Variants in PUM1 observed in about 807,000 individuals in gnomAD.
PUM1 encodes pumilio homolog 1.
A neutral mutation model predicts 131.8 loss-of-function variants in PUM1; 13 were observed. That is an observed-to-expected ratio of 0.10 (90% CI 0.06 to 0.16). PUM1 has a LOEUF of 0.16. Among genes scored for constraint, PUM1 ranks in the 10% least tolerant of loss-of-function variants. PUM1 has a pLI of 1.00. For synonymous variants in PUM1, 509 were observed against 556.5 expected (o/e 0.91, Z 1.20); for missense variants, 961 against 1,512.4 (o/e 0.64, Z 6.05).
rs756418523 is a variant in PUM1 at position 30,974,770 on chromosome 1, C to T, written c.1387G>A (p.Val463Ile). 3 of 1,612,692 alleles carry T rather than the reference C, an allele frequency of 1.9e-6. No individual in the cohort carries two copies. The highest frequency in any genetic ancestry group is 2.2e-5 in the East Asian group (1 of 44,834). The change falls in exon 10 of 22, where the codon GTT becomes ATT. Residue 463 changes from valine to isoleucine, a missense_variant. Val to Ile is a conservative substitution (Grantham distance 29, BLOSUM62 3). Coordinates refer to ENST00000426105, the MANE Select transcript of PUM1 (RefSeq NM_001020658.2). ...PAVVPHQYYG[V>I]TPWGVYPASL... The stretch of plus-strand genomic sequence containing the variant: ...GCAGGGTAGACTCCCCAGGGAGTAA[C>T]TCCATAATACTGGTGAGGGACCACA...
chr1:30,982,213 A>G (rs1348921886), intron 7 of PUM1: 1 of 152,250 alleles, frequency 6.6e-6, no homozygotes, highest in East Asian at 1.9e-4. Flanking sequence ...CAACACTAAG[A>G]ATGTCTTACG....
At chr1:30,962,891 G>T (rs923788517) in intron 14 of PUM1, among the ~76,000 whole-genome samples, 1 of 151,972 alleles carries the variant, frequency 6.6e-6, no homozygotes, top group East Asian at 1.9e-4. Flanking sequence ...AACTTAGCAG[G>T]TTCAGTTTAT....
intron 2 of PUM1, among the ~76,000 whole-genome samples, chr1:31,043,714 C>T (rs1216715083): frequency 6.6e-6 from 1 of 152,142 alleles, no homozygotes; most frequent in East Asian, 1.9e-4. Context: ...TTAAGCACTC[C>T]TCTTCCCGGG....
chr1:31,008,992 C>A (rs1317104610), intron 3 of PUM1, among the ~76,000 whole-genome samples: 1 of 146,144 alleles, frequency 6.8e-6, no homozygotes, highest in Non-Finnish European at 1.5e-5. Context: ...GCTAACACAG[C>A]GAAACCCTGT....
chr1:30,936,953 T>A, intron 20 of PUM1, 118 bp from the exon 21 acceptor site: 1 of 867,280 alleles, frequency 1.2e-6, no homozygotes, highest in Non-Finnish European at 1.7e-6. Context: ...CTATTTAACA[T>A]TTGAGGAAGA....
chr1:31,003,504 C>A (rs1642289792), intron 5 of PUM1, among the ~76,000 whole-genome samples: 1 of 152,098 alleles, frequency 6.6e-6, no homozygotes, highest in African/African-American at 2.4e-5. Context: ...CGCTTGTAAT[C>A]CCAGCACTTT....
intron 2 of PUM1, among the ~76,000 whole-genome samples, chr1:31,053,476 C>CTT (rs781031239): frequency 7.2e-6 from 1 of 139,270 alleles, no homozygotes; most frequent in Non-Finnish European, 1.6e-5. Context: ...TTTGGGAGGC[C>CTT]TTTTTTTTTT....
At chr1:30,938,900 TAGATAGACAGAC>T (rs1240501687) in intron 20 of PUM1, among the ~76,000 whole-genome samples, 2,506 of 139,278 alleles carry the variant, frequency 0.018, 35 homozygotes, top group Non-Finnish European at 0.021. Context: ...GATAGATAGA[TAGATAGACAGAC>T]AGACAGACAG....
At chr1:31,023,208 G>T (rs748840870) in intron 3 of PUM1, among the ~76,000 whole-genome samples, 8 of 151,634 alleles carry the variant, frequency 5.3e-5, no homozygotes, top group African/African-American at 9.7e-5. Context: ...AGGAAAAAGG[G>T]GAATTAATTA....
intron 3 of PUM1, among the ~76,000 whole-genome samples, chr1:31,015,521 T>G (rs1642782185): frequency 6.6e-6 from 1 of 151,782 alleles, no homozygotes; most frequent in Non-Finnish European, 1.5e-5. Context: ...TTTTATATTT[T>G]TAGTAGAGAC....
chr1:30,946,434 C>T (rs974556856), intron 17 of PUM1, among the ~76,000 whole-genome samples: 9 of 151,126 alleles, frequency 6.0e-5, no homozygotes, highest in Middle Eastern at 3.5e-3. Flanking sequence ...GTCAGGAGTT[C>T]GAGACCAGCC....
At chr1:30,937,460 G>A (rs933380106) in intron 20 of PUM1, among the ~76,000 whole-genome samples, 3 of 152,040 alleles carry the variant, frequency 2.0e-5, no homozygotes, top group African/African-American at 7.2e-5. Context: ...AGCCGAGATT[G>A]TGCCACTGCA....
chr1:30,948,369 G>A (rs369928224), intron 17 of PUM1, among the ~76,000 whole-genome samples: 1 of 152,052 alleles, frequency 6.6e-6, no homozygotes, highest in Non-Finnish European at 1.5e-5. Flanking sequence ...ATCTAGAGAA[G>A]AGTAAAATAA....
At chr1:30,978,898 A>T (rs1360415914) in intron 9 of PUM1, among the ~76,000 whole-genome samples, 1 of 152,164 alleles carries the variant, frequency 6.6e-6, no homozygotes, top group Non-Finnish European at 1.5e-5. Flanking sequence ...CGAGAATTTG[A>T]CACAACACCA....
intron 19 of PUM1, 144 bp downstream of exon 19, chr1:30,941,854 C>T: frequency 1.1e-6 from 1 of 942,260 alleles, no homozygotes. Context: ...AACCAAGCTG[C>T]TCTGAATACA....
intron 3 of PUM1, among the ~76,000 whole-genome samples, chr1:31,025,606 A>G (rs1166716172): frequency 8.3e-6 from 1 of 120,786 alleles, no homozygotes. Context: ...CCCAGGCTGG[A>G]GTACAGTGGC....
chr1:30,959,530 G>T (rs564506573), intron 14 of PUM1, among the ~76,000 whole-genome samples: 1 of 151,970 alleles, frequency 6.6e-6, no homozygotes, highest in Admixed American at 6.6e-5. Flanking sequence ...TGGAATGCAG[G>T]ATTGGATTAA....
intron 9 of PUM1, 187 bp from the exon 10 acceptor site, chr1:30,974,989 A>G: frequency 2.4e-6 from 1 of 417,236 alleles, no homozygotes; most frequent in Non-Finnish European, 4.2e-6. Context: ...TCCTTACACC[A>G]GTCTTCTAAT....
At chr1:31,017,776 A>C (rs1453305614) in intron 3 of PUM1, among the ~76,000 whole-genome samples, 1 of 152,180 alleles carries the variant, frequency 6.6e-6, no homozygotes, top group East Asian at 1.9e-4. Context: ...AAAATCACTA[A>C]TGTCAGCTGT....
Sources: gnomAD v4.1 joint callset for allele counts (sites outside exome capture counted in the v4.1 genomes callset) on GRCh38, gnomAD v4.1.1 for gene constraint, MANE v1.5 for transcripts, NCBI Gene and HGNC (gene_info 2026-07-23, HGNC 2026-07-21) for gene names.